The following HS6ST2 variants were observed in gnomAD, a reference collection of about 807,000 sequenced individuals.
The protein encoded by HS6ST2 is heparan-sulfate 6-O-sulfotransferase 2.
HS6ST2 carries 17 observed loss-of-function variants against 33.0 expected under a neutral mutation model. The ratio of observed to expected loss-of-function variants is 0.52; its 90% CI spans 0.35 to 0.77. The LOEUF is 0.77. Ranked by LOEUF, HS6ST2 falls within the 30% of genes least tolerant of loss-of-function variation. HS6ST2 has a pLI of 0.01. For synonymous variants in HS6ST2, 248 were observed against 237.1 expected, an observed-to-expected ratio of 1.05 and a Z score of -0.42; for missense variants, 519 against 551.7, an observed-to-expected ratio of 0.94 and a Z score of 0.59.
At chrX:132,801,017 C>T (rs886271570) in intron 2 of HS6ST2, among the ~76,000 whole-genome samples, 2 of 111,569 alleles carry the variant, frequency 1.8e-5, no homozygotes, top group African/African-American at 6.5e-5. Flanking sequence ...AACTTTGAGT[C>T]CATTAAATCT....
upstream of HS6ST2, chrX:132,959,010 CATAA>C (rs1292710672): frequency 1.4e-5 from 2 of 140,721 alleles, no homozygotes; most frequent in African/African-American, 6.3e-5. Context: ...GGGCTTGACT[CATAA>C]AAGGTTTGTT....
chrX:132,889,770 T>C (rs1353215701), intron 2 of HS6ST2, among the ~76,000 whole-genome samples: 1 of 111,091 alleles, frequency 9.0e-6, no homozygotes, highest in Non-Finnish European at 1.9e-5. Context: ...GATAGATAAA[T>C]GCCACCATCA....
intron 3 of HS6ST2, among the ~76,000 whole-genome samples, chrX:132,694,721 G>T (rs919019268): frequency 9.0e-6 from 1 of 111,613 alleles, no homozygotes; most frequent in Non-Finnish European, 1.9e-5. Context: ...AAATGATGGC[G>T]GCTTGGACTA....
At position 132,743,860 on chromosome X, in the gene HS6ST2, T is replaced by C. The variant is rs760706606; in HGVS notation, c.948-35366A>G. ...ATGGCTTACTGCAGCCTCAATCTCC[T>C]GGGCTTAAAGAATTCTCTCACCTCA... On this transcript the variant is annotated intron_variant, in intron 2 of 4. Transcript: ENST00000370833. 2.7e-5 allele frequency among the ~76,000 whole-genome samples: 3 copies of C among 111,929 alleles called. No individual in the cohort carries two copies. The South Asian group carries it at 1.1e-3, about 43-fold the overall frequency.
At chrX:132,931,987 C>G (rs1365172380) in intron 2 of HS6ST2, among the ~76,000 whole-genome samples, 1 of 109,077 alleles carries the variant, frequency 9.2e-6, no homozygotes, top group Non-Finnish European at 1.9e-5. Context: ...GAGATCGAGA[C>G]CATCCTGGCT....
intron 2 of HS6ST2, among the ~76,000 whole-genome samples, chrX:132,954,001 G>A (rs148695397): frequency 1.8e-5 from 2 of 112,003 alleles, no homozygotes; most frequent in Non-Finnish European, 3.8e-5. Flanking sequence ...CTGCTGTGCC[G>A]CTAAAAAAAC....
intron 2 of HS6ST2, among the ~76,000 whole-genome samples, chrX:132,727,238 G>C (rs1331265742): frequency 2.5e-4 from 20 of 79,856 alleles, no homozygotes; most frequent in Non-Finnish European, 3.8e-4. Flanking sequence ...AGCATTATTG[G>C]GGGGGGGGGC....
At chrX:132,862,316 T>C (rs1407733070) in intron 2 of HS6ST2, among the ~76,000 whole-genome samples, 1 of 112,028 alleles carries the variant, frequency 8.9e-6, no homozygotes, top group Non-Finnish European at 1.9e-5. Flanking sequence ...TTTATTTCTT[T>C]CAATGGTTAA....
At chrX:132,856,113 T>C (rs187979182) in intron 2 of HS6ST2, among the ~76,000 whole-genome samples, 2 of 111,841 alleles carry the variant, frequency 1.8e-5, no homozygotes, top group African/African-American at 3.2e-5. Flanking sequence ...TCAGACAATA[T>C]ATTAATACCA....
At chrX:132,693,619 CA>C (rs763637153) in intron 3 of HS6ST2, among the ~76,000 whole-genome samples, 1 of 111,580 alleles carries the variant, frequency 9.0e-6, no homozygotes, top group Non-Finnish European at 1.9e-5. Flanking sequence ...ACCCCATGTT[CA>C]ATGTGGTTCA....
chrX:132,907,985 A>G (rs778005602), intron 2 of HS6ST2, among the ~76,000 whole-genome samples: 17 of 112,173 alleles, frequency 1.5e-4, no homozygotes, highest in Non-Finnish European at 2.6e-4. Flanking sequence ...AAACTCACAG[A>G]ATGGGAGGAA....
At chrX:132,807,836 G>C (rs1346920009) in intron 2 of HS6ST2, among the ~76,000 whole-genome samples, 1 of 112,036 alleles carries the variant, frequency 8.9e-6, no homozygotes, top group African/African-American at 3.2e-5. Context: ...GCTCCTAGGA[G>C]GGTCATGTCA....
chrX:132,626,155 A>G lies in HS6ST2; in HGVS notation c.*2068T>C. 1 of 112,553 alleles carries G rather than the reference A, an allele frequency of 8.9e-6. No individual in the cohort carries two copies. Among genetic ancestry groups the G allele is most frequent in the East Asian group, 2.8e-4 (1 of 3,580 alleles). The allele number at this position is 112,553 out of a possible 1,213,427, so 9.3% of individuals were successfully genotyped here. A position where few individuals can be genotyped will look rare whatever the true frequency, so the allele number is the denominator to read the frequency against. On this transcript the variant is annotated 3_prime_UTR_variant, in exon 5 of 5. Transcript: ENST00000370833. ...GGCAAAAATGTATATGTATATTTAT[A>G]ACATCCTCTATATACAATAATCAGT...
chrX:132,636,894 G>A (rs976803884), intron 4 of HS6ST2, among the ~76,000 whole-genome samples: 1 of 111,731 alleles, frequency 9.0e-6, no homozygotes, highest in Non-Finnish European at 1.9e-5. Context: ...ACACTTATAC[G>A]TTAACTCCCA....
chrX:132,814,660 C>A (rs1402216384), intron 2 of HS6ST2, among the ~76,000 whole-genome samples: 1 of 111,342 alleles, frequency 9.0e-6, no homozygotes, highest in African/African-American at 3.3e-5. Flanking sequence ...CAGGAGTGAG[C>A]CACTGCGCCC....
chrX:132,772,407 A>C (rs764663974), intron 2 of HS6ST2, among the ~76,000 whole-genome samples: 3 of 110,033 alleles, frequency 2.7e-5, no homozygotes, highest in South Asian at 7.5e-4. Flanking sequence ...TAAAACAACA[A>C]CACATCAAAC....
chrX:132,654,545 C>T (rs778514665), intron 4 of HS6ST2, among the ~76,000 whole-genome samples: 1 of 111,930 alleles, frequency 8.9e-6, no homozygotes, highest in East Asian at 2.8e-4. Context: ...TTAAAATAAG[C>T]TCAAGAATCT....
intron 2 of HS6ST2, among the ~76,000 whole-genome samples, chrX:132,835,214 G>A (rs755521161): frequency 9.0e-6 from 1 of 111,605 alleles, no homozygotes; most frequent in Admixed American, 9.5e-5. Context: ...TGACACTTTT[G>A]AGGACATCTT....
Position 132,626,349 on chromosome X carries a change from G to A in HS6ST2, c.*1874C>T, listed in dbSNP as rs1424829373. On this transcript the variant is annotated 3_prime_UTR_variant, in exon 5 of 5. Transcript: ENST00000370833. ...TTTTCAATTAAAACTAAAGAAAATT[G>A]AAATACCATAGTGATCTACTAACTA... 2.7e-5 allele frequency: 3 copies of A among 112,466 alleles called. No individual in the cohort carries two copies. The allele number at this position is 112,466 out of a possible 1,213,427, so 9.3% of individuals were successfully genotyped here. A position where few individuals can be genotyped will look rare whatever the true frequency, so the allele number is the denominator to read the frequency against.
Sources: allele counts gnomAD v4.1 joint callset (sites outside exome capture counted in the v4.1 genomes callset), GRCh38; gene constraint gnomAD v4.1.1; transcripts MANE v1.5; gene names NCBI Gene and HGNC (gene_info 2026-07-23, HGNC 2026-07-21).